The following ZNF462 variants were observed in gnomAD, a reference collection of about 807,000 sequenced individuals.
ZNF462 encodes zinc finger PBX1-interacting protein.
In ZNF462, 10 loss-of-function variants were observed where a neutral mutation model predicts 201.9. That is an observed-to-expected ratio of 0.05 (90% confidence interval 0.03 to 0.08). The LOEUF (loss-of-function observed/expected upper bound fraction) is 0.08, where lower values mean the gene tolerates loss of function less well. Among genes scored for constraint, ZNF462 ranks in the 10% least tolerant of loss-of-function variants. The pLI, the probability that ZNF462 is intolerant of heterozygous loss-of-function variation, is 1.00. For missense variants in ZNF462, 2,523 were observed against 3,168.3 expected (o/e 0.80, Z 4.89); for synonymous variants, 1,227 against 1,193.3 (o/e 1.03, Z -0.58).
rs1827617449 is a variant in ZNF462 at position 106,872,070 on chromosome 9, G to A, written c.-31+8715G>A. On this transcript the variant is annotated intron_variant, in intron 1 of 12. Coordinates refer to ENST00000277225, the MANE Select transcript of ZNF462 (RefSeq NM_021224.6). The surrounding 1 kb of genome is among the most constrained non-coding windows in gnomAD (Gnocchi z 4.5). ...AGGCCACTGTGGTCCAGAATGTTTA[G>A]CCATTCTAATCCCTAATTACATCAT... Among the ~76,000 whole-genome samples, 1 of 152,138 alleles carries A rather than the reference G, an allele frequency of 6.6e-6. No individual in the cohort carries two copies. The highest frequency in any genetic ancestry group is 1.5e-5 in the Non-Finnish European group (1 of 68,026).
Position 106,863,256 on chromosome 9 carries a change from C to A in ZNF462, c.-130C>A. The A allele has an allele frequency of 2.5e-6, 1 of 399,142 alleles. No homozygotes were observed. 24.7% of individuals were successfully genotyped at this position (399,142 alleles called of 1,614,324 possible). ...ACATGAGACTCCCAAACAACTTCCA[C>A]AACAATAACCCGAGCAGGAAGAGGA... On this transcript the variant is annotated 5_prime_UTR_variant, in exon 1 of 13. Transcript: ENST00000277225.
In ZNF462 at chr9:106,890,095, C is replaced by T. The variant is rs763148475; in HGVS notation, c.-31+26740C>T. Among the ~76,000 whole-genome samples the T allele has an allele frequency of 1.3e-5, 2 of 152,192 alleles. No individual in the cohort carries two copies. The highest frequency in any genetic ancestry group is 2.9e-5 in the Non-Finnish European group (2 of 68,038). Reference sequence around the variant, plus strand: ...TTCCGGCTGCCATCCAGTTAACATACCCACAGGATTCTTAGACTAGGCATA... The same window carrying T: ...TTCCGGCTGCCATCCAGTTAACATATCCACAGGATTCTTAGACTAGGCATA... On this transcript the variant is annotated intron_variant, in intron 1 of 12. Coordinates refer to ENST00000277225, the MANE Select transcript of ZNF462 (RefSeq NM_021224.6). The surrounding 1 kb of genome is among the most constrained non-coding windows in gnomAD (Gnocchi z 4.2).
At chr9:106,943,043 T>C (rs968817652) in intron 7 of ZNF462, among the ~76,000 whole-genome samples, 1 of 139,868 alleles carries the variant, frequency 7.1e-6, no homozygotes, top group Non-Finnish European at 1.5e-5. Flanking sequence ...GGTAACATAG[T>C]TTTGTTTTGC....
In ZNF462 at chr9:106,932,448, G is replaced by A; in HGVS notation, c.6015G>A (p.Gly2005=). 6.2e-7 allele frequency: 1 copy of A among 1,614,254 alleles called. No homozygotes were observed. Among genetic ancestry groups the A allele is most frequent in the Non-Finnish European group, 8.5e-7 (1 of 1,180,038 alleles). ...NVPAVSAAVK[G]LRSHERSHLA... ...ACAGAGTCCTGATGTCCATGCAGGGGCTGCGTTCTCATGAGAGGAGCCACC... is the reference window on the plus strand; with the variant it reads ...ACAGAGTCCTGATGTCCATGCAGGGACTGCGTTCTCATGAGAGGAGCCACC... The change falls in exon 5 of 13, where the codon GGG becomes GGA. Residue 2005 remains glycine (G), a splice_region_variant and synonymous_variant. Coordinates refer to ENST00000277225, the MANE Select transcript of ZNF462 (RefSeq NM_021224.6). The surrounding 1 kb of genome is among the most constrained non-coding windows in gnomAD (Gnocchi z 6.8).
rs1404059095 is a variant in ZNF462 at position 106,924,501 on chromosome 9, C to T, written c.589C>T (p.Pro197Ser). The change falls in exon 3 of 13, where the codon CCT (proline) becomes TCT (serine). Residue 197 changes from proline (P) to serine (S), a missense_variant. Pro to Ser is a moderately conservative substitution (Grantham distance 74). Transcript: ENST00000277225. The surrounding 1 kb of genome is among the most constrained non-coding windows in gnomAD (Gnocchi z 6.2). ...NNLKETTAPP[P>S]APAPMPDPVV... ...TTTGAAGGAGACCACTGCTCCCCCA[C>T]CTGCTCCTGCTCCAATGCCAGACCC... 6.2e-7 allele frequency: 1 copy of T among 1,614,070 alleles called. No individual in the cohort carries two copies. Among genetic ancestry groups the T allele is most frequent in the East Asian group, 2.2e-5 (1 of 44,892 alleles).
In ZNF462 at chr9:106,929,626, C is replaced by T. The variant is rs748700210; in HGVS notation, c.5714C>T (p.Ala1905Val). 5 of 1,614,190 alleles carry T rather than the reference C, an allele frequency of 3.1e-6. No homozygotes were observed. Among genetic ancestry groups the T allele is most frequent in the Non-Finnish European group, 4.2e-6 (5 of 1,180,050 alleles). ...KHCDSKLQST[A>V]ELTSHLNIHN... ...TGTGATAGCAAACTGCAAAGCACAG[C>T]CGAGCTGACCTCACACTTGAACATT... The change falls in exon 3 of 13, where the codon GCC (alanine) becomes GTC (valine). Residue 1905 changes from alanine to valine, a missense_variant. Ala to Val is a moderately conservative substitution (Grantham distance 64, BLOSUM62 0). Coordinates refer to ENST00000277225, the MANE Select transcript of ZNF462 (RefSeq NM_021224.6). This position sits in a 1 kb window ranked among gnomAD's most constrained non-coding sequence, Gnocchi z 8.7.
chr9:107,011,805 A>C lies in ZNF462; in HGVS notation c.*775A>C, dbSNP rs2132830838. 1 of 152,282 alleles carries C rather than the reference A, an allele frequency of 6.6e-6. No individual in the cohort carries two copies. The highest frequency in any genetic ancestry group is 2.4e-5 in the African/African-American group (1 of 41,578). The allele number at this position is 152,282 out of a possible 1,614,324, so 9.4% of individuals were successfully genotyped here. ...AGAAACAGACTTTAATTATTAGATA[A>C]CTGTTTGTGAATTGTCATCCTTTAT... On this transcript the variant is annotated 3_prime_UTR_variant, in exon 13 of 13. Coordinates refer to ENST00000277225, the MANE Select transcript of ZNF462 (RefSeq NM_021224.6). The surrounding 1 kb of genome is among the most constrained non-coding windows in gnomAD (Gnocchi z 5.6).
Position 106,863,215 on chromosome 9 carries a change from G to C in ZNF462, c.-171G>C, listed in dbSNP as rs1827133862. 2.5e-6 allele frequency: 1 copy of C among 399,240 alleles called. No homozygotes were observed. The highest frequency in any genetic ancestry group is 4.4e-6 in the Non-Finnish European group (1 of 226,384). The allele number at this position is 399,240 out of a possible 1,614,324, so 24.7% of individuals were successfully genotyped here. A position where few individuals can be genotyped will look rare whatever the true frequency, so the allele number is the denominator to read the frequency against. ...GGGAAGATGGCGATCCTCCATTGCT[G>C]AGACCCGGCAGAAGCACATGAGACT... is the stretch of plus-strand genomic sequence containing the variant. On this transcript the variant is annotated 5_prime_UTR_variant, in exon 1 of 13. It removes the in-frame stop codon of an upstream open reading frame in the 5' UTR. Transcript: ENST00000277225.
At chr9:106,991,674 T>C (rs1402717811) in intron 10 of ZNF462, among the ~76,000 whole-genome samples, 1 of 151,922 alleles carries the variant, frequency 6.6e-6, no homozygotes, top group Non-Finnish European at 1.5e-5. Flanking sequence ...CATAGATCAG[T>C]AGTGCAGAAG....
rs972955548 is a variant in ZNF462 at position 106,895,634 on chromosome 9, T to G, written c.-30-27720T>G. Among the ~76,000 whole-genome samples, 2 of 152,222 alleles carry G rather than the reference T, an allele frequency of 1.3e-5. No individual in the cohort carries two copies. The highest frequency in any genetic ancestry group is 2.9e-5 in the Non-Finnish European group (2 of 68,038). ...ATTTGAAACTGGATAGATCTTACGT[T>G]ATTTAATCCCTATGAAATGGATATT... On this transcript the variant is annotated intron_variant, in intron 1 of 12. Coordinates refer to ENST00000277225, the MANE Select transcript of ZNF462 (RefSeq NM_021224.6). This position sits in a 1 kb window ranked among gnomAD's most constrained non-coding sequence, Gnocchi z 4.4.
At chr9:106,893,947 C>T (rs1302508507) in intron 1 of ZNF462, among the ~76,000 whole-genome samples, 1 of 152,206 alleles carries the variant, frequency 6.6e-6, no homozygotes, top group Non-Finnish European at 1.5e-5. Context: ...GTGATCCTGA[C>T]ATTTCTGGAG....
At position 106,925,065 on chromosome 9, in the gene ZNF462, G is replaced by A; in HGVS notation, c.1153G>A (p.Asp385Asn). The A allele has an allele frequency of 6.2e-7, 1 of 1,614,192 alleles. No individual in the cohort carries two copies. Among genetic ancestry groups the A allele is most frequent in the South Asian group, 1.1e-5 (1 of 91,074 alleles). ...ADLETNSMLN[D>N]SSSDEELNEI... ...CCTGGAAACTAACAGCATGCTAAATGACTCTAGTTCTGATGAAGAGTTAAA... is the reference window on the plus strand; with the variant it reads ...CCTGGAAACTAACAGCATGCTAAATAACTCTAGTTCTGATGAAGAGTTAAA... The change falls in exon 3 of 13, where the codon GAC becomes AAC. Residue 385 changes from aspartate (D) to asparagine (N), a missense_variant. Around this residue, in one of 15 missense-constraint regions of ZNF462, gnomAD observed 480 missense variants for 544.4 expected, o/e 0.88. Transcript: ENST00000277225. This position sits in a 1 kb window ranked among gnomAD's most constrained non-coding sequence, Gnocchi z 7.9.
At chr9:106,907,120 G>A (rs1172387457) in intron 1 of ZNF462, among the ~76,000 whole-genome samples, 1 of 151,986 alleles carries the variant, frequency 6.6e-6, no homozygotes, top group Admixed American at 6.5e-5. Context: ...TTCCTGTATT[G>A]AAATTGACTT....
At chr9:106,908,901 C>CCGTATATA (rs1564090560) in intron 1 of ZNF462, among the ~76,000 whole-genome samples, 52 of 88,174 alleles carry the variant, frequency 5.9e-4, no homozygotes, top group African/African-American at 2.3e-3. Context: ...GAATATTTGC[C>CCGTATATA]CATATATACA....
chr9:106,884,153 A>T (rs1346670885), intron 1 of ZNF462, among the ~76,000 whole-genome samples: 1 of 152,194 alleles, frequency 6.6e-6, no homozygotes, highest in Non-Finnish European at 1.5e-5. Context: ...TTAAAAATAG[A>T]CTTTCAGGTT....
chr9:106,973,581 AG>A (rs1402334010), intron 8 of ZNF462, among the ~76,000 whole-genome samples: 1 of 152,178 alleles, frequency 6.6e-6, no homozygotes, highest in Non-Finnish European at 1.5e-5. Context: ...GAGACATTTA[AG>A]GCTTTGCAAA....
At chr9:106,955,333 T>A (rs1418378478) in intron 7 of ZNF462, among the ~76,000 whole-genome samples, 4 of 152,130 alleles carry the variant, frequency 2.6e-5, no homozygotes, top group Admixed American at 2.0e-4. Context: ...TATACTGTAG[T>A]TTACTAAGTA....
intron 1 of ZNF462, among the ~76,000 whole-genome samples, chr9:106,908,524 T>C (rs1447963615): frequency 2.6e-5 from 4 of 152,072 alleles, no homozygotes; most frequent in Non-Finnish European, 4.4e-5. Flanking sequence ...TTTCAAACTT[T>C]TTGTATCATT....
intron 1 of ZNF462, among the ~76,000 whole-genome samples, chr9:106,864,058 C>CTCTCTCTCTCTCTCTG (rs1827188963): frequency 1.3e-5 from 1 of 78,014 alleles, no homozygotes; most frequent in Non-Finnish European, 2.8e-5. Flanking sequence ...CTCTCTCTCT[C>CTCTCTCTCTCTCTCTG]TCTCTCTCTC....
Sources: allele counts gnomAD v4.1 joint callset (sites outside exome capture counted in the v4.1 genomes callset), GRCh38; gene constraint gnomAD v4.1.1; regional missense constraint gnomAD v4.1.1; non-coding constraint Gnocchi (gnomAD v3.1); transcripts MANE v1.5; gene names NCBI Gene and HGNC (gene_info 2026-07-23, HGNC 2026-07-21).